The following CREBRF variants were observed in gnomAD, a reference collection of about 807,000 sequenced individuals.
CREBRF encodes CREB3 regulatory factor.
CREBRF carries 5 observed loss-of-function variants against 66.1 expected under a neutral mutation model. The observed-to-expected ratio is 0.08, with a 90% CI of 0.04 to 0.16. CREBRF has a LOEUF of 0.16. Ranked by LOEUF, CREBRF falls within the 10% of genes least tolerant of loss-of-function variation. The pLI, the probability that CREBRF is intolerant of heterozygous loss-of-function variation, is 1.00. For synonymous variants in CREBRF, 229 were observed against 264.4 expected (o/e 0.87, Z 1.30); for missense variants, 531 against 744.9 (o/e 0.71, Z 3.34).
At chr5:173,105,673 A>T (rs946263527) in intron 4 of CREBRF, among the ~76,000 whole-genome samples, 1 of 135,342 alleles carries the variant, frequency 7.4e-6, no homozygotes, top group East Asian at 2.0e-4. Context: ...GCCATGTTGG[A>T]CAGGCTGGTC....
chr5:173,127,728 G>A (rs1759309656), intron 8 of CREBRF, among the ~76,000 whole-genome samples: 1 of 152,106 alleles, frequency 6.6e-6, no homozygotes, highest in South Asian at 2.1e-4. Context: ...AAAGTGCTGG[G>A]ATTACAGGCG....
In CREBRF at chr5:173,080,726, C is replaced by G. The variant is rs779045956; in HGVS notation, c.-50C>G. ...GTAAAGCTGGAAAGGAATTTACAAA[C>G]AAGAAAAAAAAGAAGTTTGGAATCG... On this transcript the variant is annotated 5_prime_UTR_variant, in exon 2 of 9. Transcript: ENST00000296953. The G allele has an allele frequency of 5.6e-6, 9 of 1,595,398 alleles. No individual in the cohort carries two copies. The highest frequency in any genetic ancestry group is 3.3e-4 in the Middle Eastern group (2 of 6,020).
chr5:173,068,077 C>T (rs748935863), intron 1 of CREBRF: 2 of 446,028 alleles, frequency 4.5e-6, no homozygotes, highest in Admixed American at 2.5e-5. Flanking sequence ...CTTGTTAGGT[C>T]CTTTTTACCT....
chr5:173,061,044 T>C (rs1443742985), intron 1 of CREBRF, among the ~76,000 whole-genome samples: 2 of 152,188 alleles, frequency 1.3e-5, no homozygotes, highest in Non-Finnish European at 2.9e-5. Flanking sequence ...CTCGGCTCAC[T>C]GCAACCTCCG....
At chr5:173,110,823 A>G (rs1255138758) in intron 6 of CREBRF, 112 bp downstream of exon 6, 2 of 725,200 alleles carry the variant, frequency 2.8e-6, no homozygotes, top group African/African-American at 1.8e-5. Context: ...TTGTATAAAT[A>G]CTACAATGAG....
At position 173,137,159 on chromosome 5, in the gene CREBRF, A is replaced by G. The variant is rs1034074282; in HGVS notation, c.*3414A>G. 2.0e-5 allele frequency: 3 copies of G among 151,968 alleles called. No homozygotes were observed. The highest frequency in any genetic ancestry group is 4.4e-5 in the Non-Finnish European group (3 of 67,902). The allele number at this position is 151,968 out of a possible 1,614,324, so 9.4% of individuals were successfully genotyped here. A position where few individuals can be genotyped will look rare whatever the true frequency, so the allele number is the denominator to read the frequency against. ...CCATGTATGATTCTTGTCCTTTCCT[A>G]TATCCTTCATGACAGATTATGATGT... is the stretch of plus-strand genomic sequence containing the variant. On this transcript the variant is annotated 3_prime_UTR_variant, in exon 9 of 9. Transcript: ENST00000296953.
intron 5 of CREBRF, chr5:173,109,256 G>C (rs1466758449): frequency 6.5e-6 from 1 of 155,022 alleles, no homozygotes; most frequent in African/African-American, 2.4e-5. Context: ...GAAAAGAAAG[G>C]GAGGATGGTT....
At chr5:173,067,089 A>G (rs938645063) in intron 1 of CREBRF, among the ~76,000 whole-genome samples, 1 of 152,178 alleles carries the variant, frequency 6.6e-6, no homozygotes, top group African/African-American at 2.4e-5. Flanking sequence ...CTGGGATTAC[A>G]GGTGTGAGCC....
At chr5:173,056,501 T>TA (rs1757044222) in intron 1 of CREBRF, 22 bp downstream of exon 1, 1 of 398,066 alleles carries the variant, frequency 2.5e-6, no homozygotes, top group Non-Finnish European at 4.4e-6. Flanking sequence ...CACCCGCTGC[T>TA]CGGAACCCCC....
chr5:173,127,306 T>C (rs1581050402), intron 8 of CREBRF, among the ~76,000 whole-genome samples: 1 of 151,466 alleles, frequency 6.6e-6, no homozygotes, highest in African/African-American at 2.4e-5. Flanking sequence ...TGTTCCACCA[T>C]GTGCAGCTAA....
chr5:173,114,973 G>C (rs1410910374), intron 7 of CREBRF, among the ~76,000 whole-genome samples: 1 of 152,192 alleles, frequency 6.6e-6, no homozygotes, highest in Non-Finnish European at 1.5e-5. Context: ...CCAGAGGTTT[G>C]CGGTAGCATG....
At chr5:173,111,632 G>A (rs1758872502) in intron 6 of CREBRF, among the ~76,000 whole-genome samples, 1 of 152,072 alleles carries the variant, frequency 6.6e-6, no homozygotes, top group Non-Finnish European at 1.5e-5. Flanking sequence ...CTTTGGGTGG[G>A]GATATACTAC....
At chr5:173,061,509 T>C (rs1757272652) in intron 1 of CREBRF, among the ~76,000 whole-genome samples, 1 of 152,264 alleles carries the variant, frequency 6.6e-6, no homozygotes, top group African/African-American at 2.4e-5. Flanking sequence ...TGCAGTCTGA[T>C]TGAAAAAACT....
intron 4 of CREBRF, among the ~76,000 whole-genome samples, chr5:173,095,183 C>CT (rs34893180): frequency 0.026 from 2,329 of 89,596 alleles, 122 homozygotes; most frequent in Non-Finnish European, 0.029. Flanking sequence ...ATTACTATAG[C>CT]TTTTTTTTTT....
At chr5:173,073,502 A>G (rs1418361153) in intron 1 of CREBRF, among the ~76,000 whole-genome samples, 2 of 152,212 alleles carry the variant, frequency 1.3e-5, no homozygotes, top group East Asian at 3.8e-4. Flanking sequence ...TTAGAAATGC[A>G]TTCTCTGGTT....
At position 173,091,398 on chromosome 5, in the gene CREBRF, C is replaced by G; in HGVS notation, c.1219C>G (p.Pro407Ala). Residue 407 changes from proline (P) to alanine (A), a missense_variant, in exon 4 of 9, where the codon CCA becomes GCA. Pro to Ala is a conservative substitution (Grantham distance 27). Transcript: ENST00000296953. ...TGATATTAGTGATACTTTCTCTGAA[C>G]CAGGTATTATAATGCTTGCAAGCTT... Reference protein sequence around the residue: ...DDDISDTFSEPGYENDSVEDL... With the variant: ...DDDISDTFSEAGYENDSVEDL... The G allele has an allele frequency of 6.2e-7, 1 of 1,613,472 alleles. No homozygotes were observed. The highest frequency in any genetic ancestry group is 8.5e-7 in the Non-Finnish European group (1 of 1,179,756).
intron 4 of CREBRF, among the ~76,000 whole-genome samples, chr5:173,095,871 A>G (rs1300571088): frequency 6.8e-6 from 1 of 147,892 alleles, no homozygotes; most frequent in Non-Finnish European, 1.5e-5. Context: ...TCTTTTTTGG[A>G]TAGTTGTTAG....
chr5:173,097,432 A>G (rs1339602721), intron 4 of CREBRF, among the ~76,000 whole-genome samples: 1 of 152,036 alleles, frequency 6.6e-6, no homozygotes, highest in African/African-American at 2.4e-5. Flanking sequence ...TTTAGTAGAG[A>G]TGAAGTTTCG....
chr5:173,087,567 G>A (rs1346900628), intron 3 of CREBRF, among the ~76,000 whole-genome samples: 6 of 151,750 alleles, frequency 4.0e-5, no homozygotes, highest in African/African-American at 7.2e-5. Flanking sequence ...ATGGTAGTGC[G>A]CACCTGTAGT....
Sources: gnomAD v4.1 joint callset for allele counts (sites outside exome capture counted in the v4.1 genomes callset) on GRCh38, gnomAD v4.1.1 for gene constraint, MANE v1.5 for transcripts, NCBI Gene and HGNC (gene_info 2026-07-23, HGNC 2026-07-21) for gene names.